Variants in POLQ observed in about 807,000 individuals in gnomAD.
The protein encoded by POLQ is DNA polymerase theta.
A neutral mutation model predicts 259.2 loss-of-function variants in POLQ; 233 were observed. That is an observed-to-expected ratio of 0.90 (90% confidence interval 0.81 to 1.00). POLQ has a LOEUF of 1.00. Among genes scored for constraint, POLQ ranks in the 50% least tolerant of loss-of-function variants. POLQ has a pLI of 0.00. For synonymous variants in POLQ, 1,025 were observed against 1,048.8 expected (o/e 0.98, Z 0.44); for missense variants, 2,871 against 3,051.6 (o/e 0.94, Z 1.39).
At chr3:121,471,932 T>A in intron 22 of POLQ, 58 bp downstream of exon 22, 1 of 988,550 alleles carries the variant, frequency 1.0e-6, no homozygotes, top group East Asian at 2.6e-5. Context: ...AAATATTACA[T>A]ATGAAAATGC....
At chr3:121,492,786 C>T (rs1302841837) in intron 15 of POLQ, among the ~76,000 whole-genome samples, 2 of 148,508 alleles carry the variant, frequency 1.3e-5, no homozygotes, top group Admixed American at 1.4e-4. Context: ...TAGGCACATG[C>T]CACCATGCCC....
At chr3:121,445,147 CCTCTT>C (rs2047622399) in intron 26 of POLQ, among the ~76,000 whole-genome samples, 1 of 152,084 alleles carries the variant, frequency 6.6e-6, no homozygotes, top group African/African-American at 2.4e-5. Flanking sequence ...AGTGTTCTCT[CCTCTT>C]CTATTTTCCA....
intron 2 of POLQ, among the ~76,000 whole-genome samples, chr3:121,543,630 G>C (rs2048505901): frequency 6.6e-6 from 1 of 152,164 alleles, no homozygotes; most frequent in Admixed American, 6.5e-5. Context: ...CAAATGATTA[G>C]ATTTAAAGTC....
chr3:121,443,543 T>C (rs1221541799), intron 26 of POLQ, among the ~76,000 whole-genome samples: 1 of 152,196 alleles, frequency 6.6e-6, no homozygotes, highest in Non-Finnish European at 1.5e-5. Flanking sequence ...TCCCATTCTG[T>C]GGGCTGTCTC....
chr3:121,540,887 A>AT (rs1221477923), intron 3 of POLQ, among the ~76,000 whole-genome samples: 26 of 119,662 alleles, frequency 2.2e-4, no homozygotes, highest in African/African-American at 7.8e-4. Flanking sequence ...CCTTCTGTAA[A>AT]TTTTTTTAAT....
rs1363336298 is a variant in POLQ, at chr3:121,532,880, A to G, written c.960+110T>C. On this transcript the variant is annotated intron_variant, in intron 6 of 29. Coordinates refer to ENST00000264233, the MANE Select transcript of POLQ (RefSeq NM_199420.4). ...AACCAGTTAGCTTAATATTAATCCTAATGTATATGTAACTCCCAATTACAT... is the reference window on the plus strand; with the variant it reads ...AACCAGTTAGCTTAATATTAATCCTGATGTATATGTAACTCCCAATTACAT... The G allele has an allele frequency of 2.5e-5, 18 of 712,436 alleles. 1 individual carries two copies. The South Asian group carries it at 3.1e-4, about 12-fold the overall frequency. 44.1% of individuals were successfully genotyped at this position (712,436 alleles called of 1,614,324 possible).
At chr3:121,457,968 A>T (rs2047756667) in intron 25 of POLQ, among the ~76,000 whole-genome samples, 1 of 152,218 alleles carries the variant, frequency 6.6e-6, no homozygotes, top group African/African-American at 2.4e-5. Context: ...CACAAGAGCA[A>T]AGACTTGGAA....
intron 19 of POLQ, among the ~76,000 whole-genome samples, chr3:121,477,125 A>C (rs2047933869): frequency 6.6e-6 from 1 of 152,110 alleles, no homozygotes; most frequent in Non-Finnish European, 1.5e-5. Flanking sequence ...CAATTAGGAC[A>C]CTCCATACCT....
At position 121,470,425 on chromosome 3, in the gene POLQ, A is replaced by G. The variant is rs548420056; in HGVS notation, c.6718+1565T>C. 2.6e-5 allele frequency among the ~76,000 whole-genome samples: 4 copies of G among 152,290 alleles called. No individual in the cohort carries two copies. The East Asian group carries it at 7.7e-4, about 29-fold the overall frequency. ...AGGATGGGACAAGTTTAGAATGTTTAGAACAAGGGATAAAGCAAGCAGAGA... is the reference window on the plus strand; with the variant it reads ...AGGATGGGACAAGTTTAGAATGTTTGGAACAAGGGATAAAGCAAGCAGAGA... On this transcript the variant is annotated intron_variant, in intron 22 of 29. Coordinates refer to ENST00000264233, the MANE Select transcript of POLQ (RefSeq NM_199420.4).
intron 9 of POLQ, among the ~76,000 whole-genome samples, chr3:121,513,654 G>T (rs4676727): frequency 1.4e-5 from 2 of 146,562 alleles, no homozygotes; most frequent in African/African-American, 5.0e-5. Flanking sequence ...GCAAGATGGT[G>T]GTTTAGGAGG....
chr3:121,440,134 A>C lies in POLQ; in HGVS notation c.7265-18T>G. 6.3e-7 allele frequency: 1 copy of C among 1,591,684 alleles called. No individual in the cohort carries two copies. On this transcript the variant is annotated intron_variant, in intron 26 of 29. Coordinates refer to ENST00000264233, the MANE Select transcript of POLQ (RefSeq NM_199420.4). ...ATTAATCCCTACAAAGAAAATACAG[A>C]AATAATTAATTAGAACCAAAGTCTA...
At chr3:121,458,345 C>A (rs1334397251) in intron 25 of POLQ, among the ~76,000 whole-genome samples, 1 of 151,714 alleles carries the variant, frequency 6.6e-6, no homozygotes, top group African/African-American at 2.4e-5. Flanking sequence ...TGTAACTAAC[C>A]TGCACATTGT....
At chr3:121,459,335 G>T (rs912947241) in intron 25 of POLQ, among the ~76,000 whole-genome samples, 9 of 148,196 alleles carry the variant, frequency 6.1e-5, no homozygotes, top group Admixed American at 5.4e-4. Context: ...TGAAAATATG[G>T]AACTTTACCT....
Position 121,498,652 on chromosome 3 carries a change from C to T in POLQ, c.1978G>A (p.Asp660Asn). 2 of 1,611,516 alleles carry T rather than the reference C, an allele frequency of 1.2e-6. No individual in the cohort carries two copies. Among genetic ancestry groups the T allele is most frequent in the Non-Finnish European group, 1.7e-6 (2 of 1,177,766 alleles). ...CGATACCAATCAATAGTAGTCCAAT[C>T]CTCAAACATAGGTGTAACCTAAAAG... Reference protein sequence around the residue: ...ILYLVTPMFEDWTTIDWYRFF... With the variant: ...ILYLVTPMFENWTTIDWYRFF... Residue 660 changes from aspartate (D) to asparagine (N), a missense_variant, in exon 13 of 30, where the codon GAT becomes AAT. Physicochemically the swap from Asp to Asn is conservative, Grantham distance 23 (BLOSUM62 1). This residue lies in a region of POLQ where 783 missense variants were observed against 906.2 expected (regional missense o/e 0.86). Transcript: ENST00000264233.
At chr3:121,455,737 A>T (rs2047730061) in intron 25 of POLQ, among the ~76,000 whole-genome samples, 1 of 152,238 alleles carries the variant, frequency 6.6e-6, no homozygotes, top group South Asian at 2.1e-4. Context: ...TTGTGGCAAT[A>T]ATCAATAGCT....
In POLQ at chr3:121,528,778, C is replaced by A. The variant is rs993364959; in HGVS notation, c.1108+867G>T. ...GACCATCTTGGCTAACATGGTGAAA[C>A]CTCATCTCTACACAAATACAAAAAT... On this transcript the variant is annotated intron_variant, in intron 7 of 29. Transcript: ENST00000264233. Among the ~76,000 whole-genome samples, 13 of 152,056 alleles carry A rather than the reference C, an allele frequency of 8.5e-5. 1 individual carries two copies. The highest frequency in any genetic ancestry group is 6.2e-4 in the South Asian group (3 of 4,810).
intron 25 of POLQ, among the ~76,000 whole-genome samples, chr3:121,459,238 A>T (rs995708808): frequency 6.6e-5 from 10 of 152,194 alleles, no homozygotes; most frequent in African/African-American, 2.4e-4. Flanking sequence ...ACTATAATCT[A>T]CAGGTCAGCA....
intron 27 of POLQ, 125 bp from the exon 28 acceptor site, chr3:121,436,400 C>A: frequency 1.3e-6 from 1 of 783,058 alleles, no homozygotes; most frequent in East Asian, 2.6e-5. Context: ...AGATGCAACC[C>A]AGAACACCAA....
At chr3:121,453,900 G>A (rs1384282360) in intron 25 of POLQ, among the ~76,000 whole-genome samples, 2 of 152,124 alleles carry the variant, frequency 1.3e-5, no homozygotes, top group African/African-American at 2.4e-5. Flanking sequence ...GATACTCCTC[G>A]AGAAGAGCAA....
Sources: allele counts gnomAD v4.1 joint callset (sites outside exome capture counted in the v4.1 genomes callset), GRCh38; gene constraint gnomAD v4.1.1; regional missense constraint gnomAD v4.1.1; transcripts MANE v1.5; gene names NCBI Gene and HGNC (gene_info 2026-07-23, HGNC 2026-07-21).